The following ALPK2 variants were observed in gnomAD, a reference collection of about 807,000 sequenced individuals.
The protein encoded by ALPK2 is alpha kinase 2, also known as alpha-protein kinase 2.
In ALPK2, 127 loss-of-function variants were observed where a neutral mutation model predicts 163.1. The observed-to-expected ratio is 0.78, with a 90% confidence interval of 0.67 to 0.90. The LOEUF (loss-of-function observed/expected upper bound fraction) is 0.90. Ranked by LOEUF, ALPK2 falls within the 40% of genes least tolerant of loss-of-function variation. The pLI, the probability that ALPK2 is intolerant of heterozygous loss-of-function variation, is 0.00. For missense variants in ALPK2, 2,360 were observed against 2,589.6 expected, an observed-to-expected ratio of 0.91 and a Z score of 1.92; for synonymous variants, 953 against 959.1, an observed-to-expected ratio of 0.99 and a Z score of 0.12.
chr18:58,518,835 C>G (rs1165654753), intron 8 of ALPK2, among the ~76,000 whole-genome samples: 1 of 152,186 alleles, frequency 6.6e-6, no homozygotes, highest in Non-Finnish European at 1.5e-5. Flanking sequence ...CCTGTCACTT[C>G]TCTAAAAATG....
chr18:58,555,784 G>A (rs898032440), intron 4 of ALPK2, among the ~76,000 whole-genome samples: 3 of 152,168 alleles, frequency 2.0e-5, no homozygotes, highest in African/African-American at 7.2e-5. Context: ...AGTAGGCTCT[G>A]CTACTTGTAC....
Position 58,524,049 on chromosome 18 carries a change from A to C in ALPK2, c.5515T>G (p.Ser1839Ala), listed in dbSNP as rs577521422. ...TGCACGATGGCAAAGGAAACAGTGGAGTTGTCCCCTGCACTGCAATGAGGA... is the reference window on the plus strand; with the variant it reads ...TGCACGATGGCAAAGGAAACAGTGGCGTTGTCCCCTGCACTGCAATGAGGA... ...AQVQRSAGDN[S>A]TVSFAIVQAS... The change falls in exon 7 of 13, where the codon TCC (serine) becomes GCC (alanine). Residue 1839 changes from serine to alanine, a missense_variant. Ser to Ala is a moderately conservative substitution (Grantham distance 99). Transcript: ENST00000361673. 3.1e-6 allele frequency: 5 copies of C among 1,613,638 alleles called. No individual in the cohort carries two copies. The East Asian group carries it at 6.7e-5, about 22-fold the overall frequency.
Position 58,580,370 on chromosome 18 carries a change from TTTC to T in ALPK2, c.403_405del (p.Glu135del). 6.2e-7 allele frequency: 1 copy of T among 1,614,178 alleles called. No homozygotes were observed. On this transcript the variant is annotated inframe_deletion, in exon 4 of 13. Transcript: ENST00000361673. ...TCCTTCTCATCAATCTGATTTGCCC[TTTC>T]TTCTTCATGTGTCCCTGTTTCATGT...
intron 4 of ALPK2, among the ~76,000 whole-genome samples, chr18:58,572,621 G>T (rs374854339): frequency 1.3e-5 from 2 of 152,134 alleles, no homozygotes; most frequent in African/African-American, 4.8e-5. Flanking sequence ...TCAAAAACTT[G>T]TATACTGTAT....
intron 10 of ALPK2, among the ~76,000 whole-genome samples, chr18:58,509,177 T>A (rs977391217): frequency 6.6e-6 from 1 of 152,050 alleles, no homozygotes; most frequent in Non-Finnish European, 1.5e-5. Flanking sequence ...GAATGATGGT[T>A]TCCAGCTTCA....
intron 4 of ALPK2, among the ~76,000 whole-genome samples, chr18:58,567,595 T>G (rs1007816864): frequency 6.6e-6 from 1 of 152,192 alleles, no homozygotes; most frequent in African/African-American, 2.4e-5. Context: ...GACATGTTTC[T>G]GTAATGAGTT....
At chr18:58,573,412 G>T (rs1315934449) in intron 4 of ALPK2, among the ~76,000 whole-genome samples, 1 of 135,446 alleles carries the variant, frequency 7.4e-6, no homozygotes, top group Admixed American at 7.4e-5. Flanking sequence ...ATATATATAT[G>T]TTTTTTTTTT....
chr18:58,529,903 C>T (rs1227297716), intron 5 of ALPK2, among the ~76,000 whole-genome samples: 1 of 152,140 alleles, frequency 6.6e-6, no homozygotes, highest in African/African-American at 2.4e-5. Flanking sequence ...AATTAGCATG[C>T]TAATGTGTAA....
chr18:58,580,063 A>G lies in ALPK2; in HGVS notation c.713T>C (p.Met238Thr), dbSNP rs1263532535. The change falls in exon 4 of 13, where the codon ATG becomes ACG. Residue 238 changes from methionine to threonine, a missense_variant. Coordinates refer to ENST00000361673, the MANE Select transcript of ALPK2 (RefSeq NM_052947.4). ...DRCCHKTVHS[M>T]ASKFTDGDLN... ...GTCACCATCCGTGAACTTTGATGCC[A>G]TGGAATGCACTGTCTTGTGGCAACA... The G allele has an allele frequency of 6.2e-7, 1 of 1,614,258 alleles. No homozygotes were observed. Among genetic ancestry groups the G allele is most frequent in the Admixed American group, 1.7e-5 (1 of 60,036 alleles).
chr18:58,561,107 G>A (rs1200277585), intron 4 of ALPK2, among the ~76,000 whole-genome samples: 4 of 152,124 alleles, frequency 2.6e-5, no homozygotes, highest in Non-Finnish European at 5.9e-5. Flanking sequence ...CATTTATTGA[G>A]ATCTGTCAGA....
chr18:58,505,002 C>T (rs891664037), intron 10 of ALPK2, among the ~76,000 whole-genome samples: 3 of 152,018 alleles, frequency 2.0e-5, no homozygotes, highest in Non-Finnish European at 4.4e-5. Context: ...GCAGAGGGGA[C>T]AGGAAGTCAG....
At chr18:58,534,033 G>A (rs1180071033) in intron 5 of ALPK2, among the ~76,000 whole-genome samples, 1 of 152,170 alleles carries the variant, frequency 6.6e-6, no homozygotes, top group Non-Finnish European at 1.5e-5. Flanking sequence ...TTCTACCAGG[G>A]TGTGTGGGGA....
In ALPK2 at chr18:58,517,151, G is replaced by T. The variant is rs1446630999; in HGVS notation, c.5697C>A (p.Ile1899=). ...TGTCATGGAGGAAGTCTTCTTTGAAGATGAGTTGGCTGAATTCAATCTCTT... is the reference window on the plus strand; with the variant it reads ...TGTCATGGAGGAAGTCTTCTTTGAATATGAGTTGGCTGAATTCAATCTCTT... ...GCEEIEFSQL[I]FKEDFLHDSY... The change falls in exon 9 of 13, where the codon ATC becomes ATA. Residue 1899 remains isoleucine, a synonymous_variant. Transcript: ENST00000361673. The T allele has an allele frequency of 5.0e-6, 8 of 1,614,020 alleles. No individual in the cohort carries two copies. The highest frequency in any genetic ancestry group is 1.7e-5 in the Admixed American group (1 of 60,004).
chr18:58,625,900 G>T (rs915703758), intron 1 of ALPK2, among the ~76,000 whole-genome samples: 4 of 152,252 alleles, frequency 2.6e-5, no homozygotes, highest in African/African-American at 9.6e-5. Flanking sequence ...CCCATGCCAG[G>T]TGGGTGTGCA....
chr18:58,583,330 G>A (rs918234352), intron 3 of ALPK2, among the ~76,000 whole-genome samples: 5 of 151,940 alleles, frequency 3.3e-5, no homozygotes, highest in Admixed American at 1.3e-4. Context: ...GTATAATGAG[G>A]CGCGTCCAAC....
intron 3 of ALPK2, among the ~76,000 whole-genome samples, chr18:58,587,526 G>T (rs138698182): frequency 2.2e-4 from 33 of 152,194 alleles, no homozygotes; most frequent in African/African-American, 7.7e-4. Context: ...TATGAGAATG[G>T]TGTTTCAATA....
At position 58,503,921 on chromosome 18, in the gene ALPK2, C is replaced by T; in HGVS notation, c.6247+10G>A. On this transcript the variant is annotated intron_variant, in intron 11 of 12. Transcript: ENST00000361673. ...CATCCCTGGAGCCTGGGCTAAGCTG[C>T]TTTCCTCACCTTGCATGTCCGTCAC... is the stretch of plus-strand genomic sequence containing the variant. 6.2e-7 allele frequency: 1 copy of T among 1,609,554 alleles called. No individual in the cohort carries two copies. The highest frequency in any genetic ancestry group is 8.5e-7 in the Non-Finnish European group (1 of 1,177,458).
At position 58,580,083 on chromosome 18, in the gene ALPK2, G is replaced by T; in HGVS notation, c.693C>A (p.Cys231Ter). The T allele has an allele frequency of 3.1e-6, 5 of 1,614,206 alleles. No individual in the cohort carries two copies. The highest frequency in any genetic ancestry group is 4.2e-6 in the Non-Finnish European group (5 of 1,180,034). The part of the protein sequence containing the change: ...SHIYEKQDRC[C>*]HKTVHSMASK... Reference sequence around the variant, plus strand: ...ATGCCATGGAATGCACTGTCTTGTGGCAACATCTGTCTTGTTTTTCATAAA... The same window carrying T: ...ATGCCATGGAATGCACTGTCTTGTGTCAACATCTGTCTTGTTTTTCATAAA... The change falls in exon 4 of 13, where the codon TGC (cysteine) becomes TGA (stop). Residue 231 changes from cysteine (C) to a stop codon, truncating the protein, a stop_gained. Transcript: ENST00000361673. LOFTEE classifies it high-confidence loss of function.
intron 4 of ALPK2, among the ~76,000 whole-genome samples, chr18:58,539,734 G>C (rs2051680736): frequency 6.6e-6 from 1 of 152,240 alleles, no homozygotes; most frequent in East Asian, 1.9e-4. Context: ...GCATATTATG[G>C]CTCCAATGTC....
Sources: allele counts gnomAD v4.1 joint callset (sites outside exome capture counted in the v4.1 genomes callset), GRCh38; gene constraint gnomAD v4.1.1; transcripts MANE v1.5; gene names NCBI Gene and HGNC (gene_info 2026-07-23, HGNC 2026-07-21).